The following MAP6D1 variants were observed in gnomAD, a reference collection of about 807,000 sequenced individuals.
MAP6D1 encodes the protein MAP6 domain-containing protein 1.
In MAP6D1, 13 loss-of-function variants were observed where a neutral mutation model predicts 17.4. The ratio of observed to expected loss-of-function variants is 0.75; its 90% CI spans 0.49 to 1.19. The LOEUF (loss-of-function observed/expected upper bound fraction) is 1.19. Among genes scored for constraint, MAP6D1 ranks in the 50% most tolerant of loss-of-function variants. MAP6D1 has a pLI of 0.00. For missense variants in MAP6D1, 313 were observed against 312.6 expected (o/e 1.00, Z -0.01); for synonymous variants, 141 against 145.7 (o/e 0.97, Z 0.23).
In MAP6D1 at chr3:183,816,030, A is replaced by AAGTC. The variant is rs1168399160; in HGVS notation, c.*1322_*1325dup. ...AGAAAAATCAAACATGCAAGCCGTG[A>AAGTC]AGTCAGGAATAGCTGAACCCCTTGG... On this transcript the variant is annotated 3_prime_UTR_variant, in exon 3 of 3. Transcript: ENST00000318631. 3 of 152,260 alleles carry AAGTC rather than the reference A, an allele frequency of 2.0e-5. No individual in the cohort carries two copies. The highest frequency in any genetic ancestry group is 4.4e-5 in the Non-Finnish European group (3 of 68,056). 9.4% of individuals were successfully genotyped at this position (152,260 alleles called of 1,614,324 possible). A position where few individuals can be genotyped will look rare whatever the true frequency, so the allele number is the denominator to read the frequency against.
At chr3:183,817,736 CACTAGCGT>C (rs1727150809) in intron 2 of MAP6D1, among the ~76,000 whole-genome samples, 2 of 152,162 alleles carry the variant, frequency 1.3e-5, no homozygotes, top group Non-Finnish European at 2.9e-5. Flanking sequence ...TCAGGCCAGT[CACTAGCGT>C]TCAGTGGCCA....
At chr3:183,822,123 C>G (rs901203681) in intron 1 of MAP6D1, among the ~76,000 whole-genome samples, 1 of 151,822 alleles carries the variant, frequency 6.6e-6, no homozygotes, top group African/African-American at 2.4e-5. Context: ...TTTTAAAAAC[C>G]AAGCTGGGCA....
intron 1 of MAP6D1, 67 bp from the exon 2 acceptor site, chr3:183,818,178 C>G (rs774796978): frequency 1.1e-5 from 15 of 1,316,172 alleles, no homozygotes; most frequent in Middle Eastern, 1.8e-4. Flanking sequence ...TCCCCAGGGG[C>G]TGCTGCTCTG....
In MAP6D1 at chr3:183,817,318, C is replaced by T; in HGVS notation, c.*38G>A. 1 of 1,545,244 alleles carries T rather than the reference C, an allele frequency of 6.5e-7. No homozygotes were observed. The highest frequency in any genetic ancestry group is 8.8e-7 in the Non-Finnish European group (1 of 1,142,848). On this transcript the variant is annotated 3_prime_UTR_variant, in exon 3 of 3. Coordinates refer to ENST00000318631, the MANE Select transcript of MAP6D1 (RefSeq NM_024871.4). Reference sequence around the variant, plus strand: ...TGGGTCCTGAGGCCGCTCCCCAGCCCTGTCCTGTCGGCAGCCATGGTGTCA... The same window carrying T: ...TGGGTCCTGAGGCCGCTCCCCAGCCTTGTCCTGTCGGCAGCCATGGTGTCA...
intron 1 of MAP6D1, among the ~76,000 whole-genome samples, chr3:183,823,368 G>A (rs1184901577): frequency 6.6e-6 from 1 of 151,998 alleles, no homozygotes; most frequent in African/African-American, 2.4e-5. Context: ...TTGGGAGGCC[G>A]AGGCAGGCGG....
chr3:183,818,676 A>G (rs1279516762), intron 1 of MAP6D1, among the ~76,000 whole-genome samples: 1 of 152,260 alleles, frequency 6.6e-6, no homozygotes, highest in Non-Finnish European at 1.5e-5. Flanking sequence ...AAGAAAAATA[A>G]GGCTCAGAAC....
rs775278881 is a variant in MAP6D1 at position 183,818,053 on chromosome 3, C to G, written c.460G>C (p.Ala154Pro). 5 of 1,613,998 alleles carry G rather than the reference C, an allele frequency of 3.1e-6. No homozygotes were observed. ...GAAGTGTGGGTTGTGATGACTCGGG[C>G]TGGTTTTGTCTTTGTGGATCTTGAG... ...KPSRSTKTKP[A>P]RVITTHTSGW... is the part of the protein sequence containing the mutation. The change falls in exon 2 of 3, where the codon GCC becomes CCC. Residue 154 changes from alanine (A) to proline (P), a missense_variant. Transcript: ENST00000318631.
intron 1 of MAP6D1, among the ~76,000 whole-genome samples, chr3:183,819,358 G>C (rs955905468): frequency 6.6e-6 from 1 of 152,236 alleles, no homozygotes; most frequent in Non-Finnish European, 1.5e-5. Flanking sequence ...GCGGAAGCAG[G>C]TCCTCCCCTG....
rs1252075372 is a variant in MAP6D1, at chr3:183,818,228, C to A, written c.402-117G>T. The A allele has an allele frequency of 1.5e-5, 12 of 800,004 alleles. No individual in the cohort carries two copies. In the Admixed American group the frequency reaches 1.8e-4, roughly 12 times the overall value. The allele number at this position is 800,004 out of a possible 1,614,324, so 49.6% of individuals were successfully genotyped here. Reference sequence around the variant, plus strand: ...CTGCCAATTGCTGAAACCCTCGGCTCCAGGCAGTCCTCATCATCTTCCCAA... The same window carrying A: ...CTGCCAATTGCTGAAACCCTCGGCTACAGGCAGTCCTCATCATCTTCCCAA... On this transcript the variant is annotated intron_variant, in intron 1 of 2. Transcript: ENST00000318631.
At chr3:183,824,295 G>A (rs1207801415) in intron 1 of MAP6D1, among the ~76,000 whole-genome samples, 1 of 152,182 alleles carries the variant, frequency 6.6e-6, no homozygotes. Flanking sequence ...TGGTAAGGAA[G>A]TAGATAAATA....
At chr3:183,821,671 G>A (rs1308868995) in intron 1 of MAP6D1, among the ~76,000 whole-genome samples, 2 of 148,014 alleles carry the variant, frequency 1.4e-5, no homozygotes, top group African/African-American at 2.5e-5. Context: ...TCAGCCTCCC[G>A]AGTAGCTGGG....
chr3:183,822,617 C>G (rs1421144104), intron 1 of MAP6D1, among the ~76,000 whole-genome samples: 1 of 152,210 alleles, frequency 6.6e-6, no homozygotes, highest in African/African-American at 2.4e-5. Context: ...GGAGGAGGCT[C>G]CCTCATAGGT....
At chr3:183,818,402 A>G (rs1727169917) in intron 1 of MAP6D1, among the ~76,000 whole-genome samples, 1 of 152,200 alleles carries the variant, frequency 6.6e-6, no homozygotes. Flanking sequence ...GCTTATTCTC[A>G]CACTGCAGGC....
At chr3:183,821,365 G>A (rs1172603081) in intron 1 of MAP6D1, among the ~76,000 whole-genome samples, 1 of 152,150 alleles carries the variant, frequency 6.6e-6, no homozygotes, top group Non-Finnish European at 1.5e-5. Context: ...TTCCTTGTCT[G>A]TAGAATGGGG....
chr3:183,822,240 A>AACACACACACACACACACAC (rs60341893), intron 1 of MAP6D1, among the ~76,000 whole-genome samples: 1 of 138,588 alleles, frequency 7.2e-6, no homozygotes, highest in Non-Finnish European at 1.5e-5. Context: ...CCATCTCTAA[A>AACACACACACACACACACAC]ACACACACAC....
chr3:183,818,307 A>G (rs1212259513), intron 1 of MAP6D1, among the ~76,000 whole-genome samples, 196 bp from the exon 2 acceptor site: 1 of 152,216 alleles, frequency 6.6e-6, no homozygotes, highest in Admixed American at 6.5e-5. Flanking sequence ...TCCAGGAGAA[A>G]GGTGTGTGGC....
In MAP6D1 at chr3:183,816,945, A is replaced by AT. The variant is rs553908883; in HGVS notation, c.*410dup. The AT allele has an allele frequency of 1.0e-3, 214 of 209,166 alleles. No homozygotes were observed. The highest frequency in any genetic ancestry group is 4.8e-3 in the African/African-American group (204 of 42,314). The allele number at this position is 209,166 out of a possible 1,614,324, so 13.0% of individuals were successfully genotyped here. A position where few individuals can be genotyped will look rare whatever the true frequency, so the allele number is the denominator to read the frequency against. On this transcript the variant is annotated 3_prime_UTR_variant, in exon 3 of 3. Transcript: ENST00000318631. ...GGTCTCACTGTAGGTTATGAAATTA[A>AT]TCAAGTGCTCACGCATCCTGGGAAA...
chr3:183,822,031 TATC>T lies in MAP6D1; in HGVS notation c.401+3113_401+3115del, dbSNP rs1220476432. 1.2e-4 allele frequency among the ~76,000 whole-genome samples: 19 copies of T among 152,148 alleles called. 1 individual carries two copies. The highest frequency in any genetic ancestry group is 1.2e-3 in the Admixed American group (19 of 15,276). On this transcript the variant is annotated intron_variant, in intron 1 of 2. Coordinates refer to ENST00000318631, the MANE Select transcript of MAP6D1 (RefSeq NM_024871.4). ...ATCCTTACAGCTAAATCTTTGTTCA[TATC>T]ATCATTTCTTTGGGATAAATTCCTA...
In MAP6D1 at chr3:183,825,158, G is replaced by A. The variant is rs376765653; in HGVS notation, c.390C>T (p.Thr130=). The A allele has an allele frequency of 1.7e-4, 248 of 1,454,374 alleles. No homozygotes were observed. Among genetic ancestry groups the A allele is most frequent in the Non-Finnish European group, 2.2e-4 (241 of 1,101,252 alleles). 90.1% of individuals were successfully genotyped at this position (1,454,374 alleles called of 1,614,324 possible). Residue 130 remains threonine, a synonymous_variant, in exon 1 of 3, where the codon ACC becomes ACT. Coordinates refer to ENST00000318631, the MANE Select transcript of MAP6D1 (RefSeq NM_024871.4). ...TACCCAGCCCATACCTGTACGACGT[G>A]GTCACTGCTGCAGCCGCGTCCGCGT... is the stretch of plus-strand genomic sequence containing the variant. ...IGDADAAAAV[T]TSYRQEFQAW...
Sources: allele counts gnomAD v4.1 joint callset (sites outside exome capture counted in the v4.1 genomes callset), GRCh38; gene constraint gnomAD v4.1.1; transcripts MANE v1.5; gene names NCBI Gene and HGNC (gene_info 2026-07-23, HGNC 2026-07-21).